The following CHL1 variants were observed in gnomAD, a reference collection of about 807,000 sequenced individuals.
CHL1 encodes the protein cell adhesion molecule L1 like.
Under a neutral mutation model 141.9 loss-of-function variants are expected in CHL1, and 96 were observed. The ratio of observed to expected loss-of-function variants is 0.68; its 90% CI spans 0.57 to 0.80. The LOEUF is 0.80. CHL1 is among the 30% of genes least tolerant of loss of function. CHL1 has a pLI of 0.00. For synonymous variants in CHL1, 613 were observed against 502.2 expected (o/e 1.22, Z -2.95); for missense variants, 1,820 against 1,457.2 (o/e 1.25, Z -4.05).
rs1307061715 is a variant in CHL1, at chr3:344,653, T to C, written c.792T>C (p.Ser264=). The change falls in exon 9 of 28, where the codon TCT becomes TCC. Residue 264 remains serine, a synonymous_variant. Transcript: ENST00000256509. ...LLPPTESGSE[S]SITILKGEIL... is the part of the protein sequence containing the mutation. The stretch of plus-strand genomic sequence containing the variant: ...CTCCCACTGAGAGTGGCAGTGAGTC[T>C]TCAATTACCATCCTCAAAGGGGAAA... 4.3e-6 allele frequency: 7 copies of C among 1,613,762 alleles called. No individual in the cohort carries two copies. Among genetic ancestry groups the C allele is most frequent in the East Asian group, 2.2e-5 (1 of 44,874 alleles).
intron 1 of CHL1, among the ~76,000 whole-genome samples, chr3:222,838 T>C (rs570222561): frequency 6.6e-6 from 1 of 152,328 alleles, no homozygotes; most frequent in East Asian, 1.9e-4. Context: ...AAAGTATTCA[T>C]TACTTCCAGG....
At chr3:245,880 T>G (rs1254607218) in intron 2 of CHL1, among the ~76,000 whole-genome samples, 1 of 152,066 alleles carries the variant, frequency 6.6e-6, no homozygotes, top group Non-Finnish European at 1.5e-5. Flanking sequence ...TCCACTGGAG[T>G]GGTTTTGCCC....
intron 2 of CHL1, among the ~76,000 whole-genome samples, chr3:279,465 A>G (rs1696445369): frequency 6.6e-6 from 1 of 152,200 alleles, no homozygotes; most frequent in South Asian, 2.1e-4. Context: ...ACAAAGATAA[A>G]TTTAGCAGTC....
intron 2 of CHL1, among the ~76,000 whole-genome samples, chr3:260,337 A>T (rs1365395071): frequency 6.6e-6 from 1 of 152,208 alleles, no homozygotes; most frequent in East Asian, 1.9e-4. Flanking sequence ...AGGAAAACAT[A>T]AGTCTGTATC....
chr3:321,994 G>T (rs1700601513), intron 3 of CHL1, among the ~76,000 whole-genome samples: 1 of 151,980 alleles, frequency 6.6e-6, no homozygotes, highest in Admixed American at 6.6e-5. Flanking sequence ...GCAAATTTAG[G>T]AAAGAATAAT....
At chr3:297,653 G>T (rs1229403694) in intron 2 of CHL1, among the ~76,000 whole-genome samples, 3 of 152,164 alleles carry the variant, frequency 2.0e-5, no homozygotes, top group Non-Finnish European at 4.4e-5. Flanking sequence ...TTGTATTACG[G>T]AAGTACTTGT....
intron 2 of CHL1, among the ~76,000 whole-genome samples, chr3:287,408 T>G (rs1391963020): frequency 1.3e-5 from 2 of 152,158 alleles, no homozygotes; most frequent in Non-Finnish European, 2.9e-5. Flanking sequence ...GTTTACACAT[T>G]CGATTGTCTT....
At chr3:222,928 C>T (rs576471769) in intron 1 of CHL1, among the ~76,000 whole-genome samples, 1 of 152,168 alleles carries the variant, frequency 6.6e-6, no homozygotes, top group South Asian at 2.1e-4. Flanking sequence ...TAGCATCTTC[C>T]AATTTTCCTT....
chr3:269,487 G>A (rs557802927), intron 2 of CHL1, among the ~76,000 whole-genome samples: 1 of 152,050 alleles, frequency 6.6e-6, no homozygotes. Flanking sequence ...CAGCCCAGGT[G>A]GGGTACATGA....
intron 9 of CHL1, among the ~76,000 whole-genome samples, chr3:345,467 A>ATTTATTTATTTAT (rs397937888): frequency 6.6e-4 from 89 of 134,858 alleles, no homozygotes; most frequent in African/African-American, 2.3e-3. Flanking sequence ...TATTTATTTA[A>ATTTATTTATTTAT]TTATTTATTC....
rs1417426947 is a variant in CHL1, at chr3:398,240, G to A, written c.3108G>A (p.Gly1036=). 3 of 1,598,316 alleles carry A rather than the reference G, an allele frequency of 1.9e-6. No homozygotes were observed. Among genetic ancestry groups the A allele is most frequent in the Non-Finnish European group, 2.6e-6 (3 of 1,168,846 alleles). Residue 1036 remains glycine (G), a synonymous_variant, in exon 25 of 28, where the codon GGG becomes GGA. Coordinates refer to ENST00000256509, the MANE Select transcript of CHL1 (RefSeq NM_006614.4). ...STLGEGSKGI[G]KISGVNLTQK... is the part of the protein sequence containing the mutation. ...TACATTTCTTAGGTAAAGGTATCGG[G>A]AAGATATCAGGAGTAAATCTTACTC... is the stretch of plus-strand genomic sequence containing the variant.
intron 2 of CHL1, among the ~76,000 whole-genome samples, chr3:293,315 A>T (rs1172982251): frequency 6.6e-6 from 1 of 152,150 alleles, no homozygotes; most frequent in African/African-American, 2.4e-5. Context: ...CAGCCTTGCC[A>T]ACATGGGGAA....
intron 15 of CHL1, among the ~76,000 whole-genome samples, chr3:367,086 G>A (rs576708616): frequency 2.0e-4 from 30 of 152,316 alleles, no homozygotes; most frequent in African/African-American, 7.2e-4. Context: ...AGGAAAGTGT[G>A]AATGGATGCT....
chr3:218,873 G>T (rs140676143), intron 1 of CHL1, among the ~76,000 whole-genome samples: 4 of 152,264 alleles, frequency 2.6e-5, no homozygotes, highest in Admixed American at 6.5e-5. Flanking sequence ...TAGGCCGGGC[G>T]CACTGGCTCA....
chr3:370,447 C>A (rs1299695942), intron 15 of CHL1, among the ~76,000 whole-genome samples: 1 of 150,692 alleles, frequency 6.6e-6, no homozygotes, highest in African/African-American at 2.4e-5. Context: ...GTGATGTCCC[C>A]TTTATCATTT....
chr3:373,313 G>C (rs150772184), intron 15 of CHL1, among the ~76,000 whole-genome samples: 3,362 of 152,334 alleles, frequency 0.022, 78 homozygotes, highest in African/African-American at 0.061. Context: ...AGTTATTGGA[G>C]TTCCTGCAGG....
At chr3:347,967 AT>A (rs761570594) in intron 9 of CHL1, among the ~76,000 whole-genome samples, 12 of 152,044 alleles carry the variant, frequency 7.9e-5, no homozygotes, top group African/African-American at 2.4e-4. Flanking sequence ...TTTACCTCCA[AT>A]TTTTTTTGCA....
At chr3:368,043 T>C (rs911495648) in intron 15 of CHL1, among the ~76,000 whole-genome samples, 11 of 152,190 alleles carry the variant, frequency 7.2e-5, no homozygotes, top group Non-Finnish European at 1.5e-5. Context: ...TTGTAAATAG[T>C]GCTGCAATAA....
At chr3:334,771 G>A (rs986900366) in intron 5 of CHL1, among the ~76,000 whole-genome samples, 1 of 152,216 alleles carries the variant, frequency 6.6e-6, no homozygotes, top group South Asian at 2.1e-4. Flanking sequence ...GTTGTGTACT[G>A]TTAGGGACAG....
Sources: allele counts gnomAD v4.1 joint callset (sites outside exome capture counted in the v4.1 genomes callset), GRCh38; gene constraint gnomAD v4.1.1; transcripts MANE v1.5; gene names NCBI Gene and HGNC (gene_info 2026-07-23, HGNC 2026-07-21).